The following NAV3 variants were observed in gnomAD, a reference collection of about 807,000 sequenced individuals.
NAV3 encodes the protein neuron navigator 3.
Under a neutral mutation model 244.7 loss-of-function variants are expected in NAV3, and 87 were observed. The observed-to-expected ratio is 0.36, with a 90% CI of 0.30 to 0.42. The LOEUF is 0.42. NAV3 is among the 20% of genes least tolerant of loss of function. The pLI is 1.00. For missense variants in NAV3, 2,663 were observed against 2,893.3 expected, an observed-to-expected ratio of 0.92 and a Z score of 1.83; for synonymous variants, 1,126 against 1,042.2, an observed-to-expected ratio of 1.08 and a Z score of -1.55.
chr12:77,915,537 ATCT>A (rs1887051672), intron 1 of NAV3, among the ~76,000 whole-genome samples: 1 of 151,860 alleles, frequency 6.6e-6, no homozygotes, highest in Admixed American at 6.6e-5. Flanking sequence ...AAAAAAAAAG[ATCT>A]TCTAGCCAGA....
At chr12:77,794,549 C>T (rs1871322653) in intron 2 of NAV3, among the ~76,000 whole-genome samples, 1 of 152,088 alleles carries the variant, frequency 6.6e-6, no homozygotes, top group Non-Finnish European at 1.5e-5. Context: ...TGCGGCAGAG[C>T]CAGAGATACA....
At chr12:77,775,439 C>T (rs1053765697) in intron 2 of NAV3, among the ~76,000 whole-genome samples, 15 of 151,230 alleles carry the variant, frequency 9.9e-5, no homozygotes, top group Non-Finnish European at 1.9e-4. Flanking sequence ...GCTCTTTAAG[C>T]TGTATCTTGC....
intron 2 of NAV3, among the ~76,000 whole-genome samples, chr12:77,793,938 C>G (rs959938385): frequency 6.6e-6 from 1 of 152,168 alleles, no homozygotes; most frequent in Non-Finnish European, 1.5e-5. Flanking sequence ...ACACTCCCAC[C>G]AACAGTGTAA....
chr12:77,742,143 C>G (rs960943295), intron 2 of NAV3, among the ~76,000 whole-genome samples: 4 of 152,012 alleles, frequency 2.6e-5, no homozygotes, highest in African/African-American at 9.7e-5. Flanking sequence ...TTTTCATCCT[C>G]TATACAAGTT....
chr12:77,608,251 C>A (rs2136804981), intron 2 of NAV3, among the ~76,000 whole-genome samples: 1 of 152,174 alleles, frequency 6.6e-6, no homozygotes, highest in Non-Finnish European at 1.5e-5. Flanking sequence ...GTTATTCAAA[C>A]ATTCTTCTTA....
intron 12 of NAV3, among the ~76,000 whole-genome samples, chr12:78,114,306 T>C (rs1351078849): frequency 6.6e-6 from 1 of 152,220 alleles, no homozygotes; most frequent in African/African-American, 2.4e-5. Context: ...CTGCCACATT[T>C]CTGGGTATCT....
intron 2 of NAV3, 60 bp from the exon 3 acceptor site, chr12:77,941,021 C>A: frequency 9.2e-7 from 1 of 1,086,498 alleles, no homozygotes; most frequent in Non-Finnish European, 1.4e-6. Flanking sequence ...GTGTGTTTCA[C>A]TTCATTGCTT....
At chr12:77,908,078 G>T (rs1266386106) in intron 1 of NAV3, among the ~76,000 whole-genome samples, 3 of 151,950 alleles carry the variant, frequency 2.0e-5, no homozygotes, top group Non-Finnish European at 2.9e-5. Flanking sequence ...GGTTTACAGT[G>T]GTTTTTAGCA....
At chr12:78,094,813 C>T (rs1351479598) in intron 12 of NAV3, among the ~76,000 whole-genome samples, 2 of 151,768 alleles carry the variant, frequency 1.3e-5, no homozygotes, top group Non-Finnish European at 2.9e-5. Flanking sequence ...ATTTGGGTGG[C>T]CTAGGCAGGT....
chr12:77,758,030 G>T (rs1869270318), intron 2 of NAV3, among the ~76,000 whole-genome samples: 1 of 152,106 alleles, frequency 6.6e-6, no homozygotes, highest in Non-Finnish European at 1.5e-5. Context: ...ACTTCTTCAT[G>T]ATCCAAAATG....
intron 11 of NAV3, among the ~76,000 whole-genome samples, chr12:78,051,354 C>T (rs370741135): frequency 3.3e-5 from 5 of 152,104 alleles, no homozygotes; most frequent in Non-Finnish European, 7.4e-5. Flanking sequence ...CATTATAAGC[C>T]GCTAAGTTTT....
rs535173283 is a variant in NAV3, at chr12:77,805,896, AG to A, written c.73-134420del. Among the ~76,000 whole-genome samples, 347 of 152,284 alleles carry A rather than the reference AG, an allele frequency of 2.3e-3. 2 individuals are homozygous for A. Among genetic ancestry groups the A allele is most frequent in the African/African-American group, 8.0e-3 (331 of 41,552 alleles). The stretch of plus-strand genomic sequence containing the variant: ...GACTTCTTCCTGGTTTAGTCTTGGC[AG>A]GGTGTATGTGTCAAGGAATTTATCC... On this transcript the variant is annotated intron_variant, in intron 2 of 8. Transcript: ENST00000550042.
intron 1 of NAV3, among the ~76,000 whole-genome samples, chr12:77,872,537 G>C (rs568395915): frequency 8.5e-5 from 13 of 152,264 alleles, no homozygotes; most frequent in African/African-American, 3.1e-4. Flanking sequence ...TATGCTTGGG[G>C]AAGTTCTGGT....
intron 12 of NAV3, among the ~76,000 whole-genome samples, chr12:78,092,562 C>A (rs966227701): frequency 8.2e-6 from 1 of 122,422 alleles, no homozygotes; most frequent in Non-Finnish European, 1.6e-5. Context: ...TGCAGTGGTG[C>A]GATCTTGGTT....
chr12:77,658,074 T>A (rs1174967983), intron 2 of NAV3, among the ~76,000 whole-genome samples: 1 of 150,972 alleles, frequency 6.6e-6, no homozygotes, highest in East Asian at 1.9e-4. Context: ...CTCTCACCAC[T>A]CCTATTCAAC....
chr12:78,141,464 A>G (rs747988803), intron 20 of NAV3, among the ~76,000 whole-genome samples: 1 of 152,148 alleles, frequency 6.6e-6, no homozygotes, highest in Non-Finnish European at 1.5e-5. Flanking sequence ...AGGTTCATGA[A>G]GAGTTCATAG....
intron 20 of NAV3, among the ~76,000 whole-genome samples, chr12:78,143,845 TTGGCA>T (rs1327497990): frequency 4.6e-5 from 7 of 152,182 alleles, no homozygotes; most frequent in Non-Finnish European, 5.9e-5. Context: ...CCTTTAGATG[TTGGCA>T]TGGGCTCTCA....
chr12:78,105,141 T>C (rs1954738192), intron 12 of NAV3, among the ~76,000 whole-genome samples: 1 of 152,140 alleles, frequency 6.6e-6, no homozygotes, highest in South Asian at 2.1e-4. Context: ...GTCTTTCTTA[T>C]ACCAACTGAC....
At chr12:77,661,504 C>A (rs1316525944) in intron 2 of NAV3, among the ~76,000 whole-genome samples, 1 of 152,054 alleles carries the variant, frequency 6.6e-6, no homozygotes, top group South Asian at 2.1e-4. Flanking sequence ...TGTGGCTTGT[C>A]TTTTCACTTT....
Sources: allele counts gnomAD v4.1 joint callset (sites outside exome capture counted in the v4.1 genomes callset), GRCh38; gene constraint gnomAD v4.1.1; transcripts MANE v1.5; gene names NCBI Gene and HGNC (gene_info 2026-07-23, HGNC 2026-07-21).